Variants in UGT1A4 observed in about 807,000 individuals in gnomAD.
UGT1A4 encodes UDP glucuronosyltransferase family 1 member A4.
A neutral mutation model predicts 41.1 loss-of-function variants in UGT1A4; 32 were observed. The ratio of observed to expected loss-of-function variants is 0.78; its 90% confidence interval spans 0.59 to 1.05. The LOEUF is 1.05. Ranked by LOEUF, UGT1A4 falls within the 50% of genes least tolerant of loss-of-function variation. UGT1A4 has a pLI of 0.00. For missense variants in UGT1A4, 748 were observed against 677.4 expected (o/e 1.10, Z -1.16); for synonymous variants, 283 against 265.1 (o/e 1.07, Z -0.66).
chr2:233,763,186 T>C (rs1029740722), intron 1 of UGT1A4, among the ~76,000 whole-genome samples: 4 of 152,264 alleles, frequency 2.6e-5, no homozygotes, highest in Non-Finnish European at 4.4e-5. Flanking sequence ...TATTTGTTGT[T>C]GCCTTGTTTG....
In UGT1A4 at chr2:233,768,427, T is replaced by A; in HGVS notation, c.1295T>A (p.Ile432Asn). ...TTAGAAAATGCTCTAAAAGCAGTCA[T>A]CAATGACAAAAGGTAAGAAAGAAGA... is the stretch of plus-strand genomic sequence containing the variant. ...EDLENALKAV[I>N]NDKSYKENIM... Residue 432 changes from isoleucine (I) to asparagine (N), a missense_variant, in exon 4 of 5, where the codon ATC becomes AAC. Transcript: ENST00000373409. 1 of 1,614,006 alleles carries A rather than the reference T, an allele frequency of 6.2e-7. No individual in the cohort carries two copies. The highest frequency in any genetic ancestry group is 8.5e-7 in the Non-Finnish European group (1 of 1,179,966).
At chr2:233,731,273 A>G (rs1323685253) in intron 1 of UGT1A4, among the ~76,000 whole-genome samples, 1 of 147,192 alleles carries the variant, frequency 6.8e-6, no homozygotes. Flanking sequence ...TTGCCCTTCC[A>G]GTTTTTCTTT....
At position 233,725,179 on chromosome 2, in the gene UGT1A4, G is replaced by GAGAGGCAGAGGC. The variant is rs879478240; in HGVS notation, c.867+5522_867+5533dup. Among the ~76,000 whole-genome samples the GAGAGGCAGAGGC allele has an allele frequency of 1.3e-4, 9 of 67,606 alleles. 4 individuals carry two copies. Among genetic ancestry groups the GAGAGGCAGAGGC allele is most frequent in the South Asian group, 1.1e-3 (2 of 1,884 alleles). The allele number at this position is 67,606 out of a possible 152,430, so 44.4% of individuals were successfully genotyped here. A position where few individuals can be genotyped will look rare whatever the true frequency, so the allele number is the denominator to read the frequency against. ...CTCTGCATGAGAGGGAGACCGTGGGGAGAGGCAGAGGCAGAGGCAGAGGCA... is the reference window on the plus strand; with the variant it reads ...CTCTGCATGAGAGGGAGACCGTGGGGAGAGGCAGAGGCAGAGGCAGAGGCAGAGGCAGAGGCA... On this transcript the variant is annotated intron_variant, in intron 1 of 4. Transcript: ENST00000373409.
intron 1 of UGT1A4, chr2:233,755,156 G>A: frequency 7.7e-7 from 1 of 1,294,130 alleles, no homozygotes; most frequent in Middle Eastern, 2.2e-4. Context: ...CTTCCTCCCT[G>A]TCCTCGGGGT....
At position 233,769,644 on chromosome 2, in the gene UGT1A4, G is replaced by A; in HGVS notation, c.1307+1205G>A. ...CAAGGGACAACAGGGGAGGACTGAT[G>A]ACTGACTTCCCACCTTTGAGGTGCT... On this transcript the variant is annotated intron_variant, in intron 4 of 4. Transcript: ENST00000373409. This position sits in a 1 kb window ranked among gnomAD's most constrained non-coding sequence, Gnocchi z 4.4. The A allele has an allele frequency of 6.2e-7, 1 of 1,608,954 alleles. No individual in the cohort carries two copies. Among genetic ancestry groups the A allele is most frequent in the South Asian group, 1.1e-5 (1 of 90,446 alleles).
intron 4 of UGT1A4, chr2:233,770,249 C>T (rs1368624656): frequency 1.3e-5 from 2 of 152,160 alleles, no homozygotes; most frequent in Non-Finnish European, 2.9e-5. Flanking sequence ...TTCCAACACT[C>T]TGAGCTGGGG....
rs771753301 is a variant in UGT1A4, at chr2:233,719,188, C to T, written c.368C>T (p.Ala123Val). 1.4e-5 allele frequency: 23 copies of T among 1,614,004 alleles called. No homozygotes were observed. Among genetic ancestry groups the T allele is most frequent in the Admixed American group, 1.0e-4 (6 of 59,976 alleles). Reference protein sequence around the residue: ...SMAIMNNVSLALHRCCVELLH... With the variant: ...SMAIMNNVSLVLHRCCVELLH... Reference sequence around the variant, plus strand: ...GCAATTATGAACAATGTATCTTTGGCCCTTCATAGGTGTTGTGTGGAGCTA... The same window carrying T: ...GCAATTATGAACAATGTATCTTTGGTCCTTCATAGGTGTTGTGTGGAGCTA... Residue 123 changes from alanine (A) to valine (V), a missense_variant, in exon 1 of 5, where the codon GCC (alanine) becomes GTC (valine). Coordinates refer to ENST00000373409, the MANE Select transcript of UGT1A4 (RefSeq NM_007120.3).
rs148565852 is a variant in UGT1A4, at chr2:233,719,296, C to T, written c.476C>T (p.Ala159Val). 4.0e-5 allele frequency: 64 copies of T among 1,613,940 alleles called. 1 individual carries two copies. The Admixed American group carries it at 4.5e-4, about 11-fold the overall frequency. ...ACAGACCCCGTTAACCTCTGTGGGG[C>T]GGTGCTGGCTAAGTACCTGTCGATT... ...VLTDPVNLCGAVLAKYLSIPA... is the reference protein window; with the variant it reads ...VLTDPVNLCGVVLAKYLSIPA... The change falls in exon 1 of 5, where the codon GCG (alanine) becomes GTG (valine). Residue 159 changes from alanine (A) to valine (V), a missense_variant. Physicochemically the swap from Ala to Val is moderately conservative, Grantham distance 64. Coordinates refer to ENST00000373409, the MANE Select transcript of UGT1A4 (RefSeq NM_007120.3).
At chr2:233,761,227 G>GAT in intron 1 of UGT1A4, 1 of 1,613,278 alleles carries the variant, frequency 6.2e-7, no homozygotes, top group Non-Finnish European at 8.5e-7. Flanking sequence ...ACTAGCCCCA[G>GAT]ATATATGCTG....
intron 1 of UGT1A4, chr2:233,729,814 C>A (rs776482922): frequency 5.0e-6 from 8 of 1,613,896 alleles, no homozygotes; most frequent in Non-Finnish European, 6.8e-6. Flanking sequence ...TTTTTCTGCT[C>A]CTTATGCAAG....
intron 1 of UGT1A4, chr2:233,754,778 A>G (rs1399549713): frequency 3.5e-6 from 4 of 1,127,052 alleles, no homozygotes; most frequent in Non-Finnish European, 3.6e-6. Flanking sequence ...CCAGGGAGCC[A>G]AAGGAACGAA....
At chr2:233,760,122 C>A (rs535497865) in intron 1 of UGT1A4, 1 of 1,292,030 alleles carries the variant, frequency 7.7e-7, no homozygotes, top group East Asian at 2.5e-5. Flanking sequence ...TAATAAAGCT[C>A]CACCTTCTTT....
rs1700515616 is a variant in UGT1A4, at chr2:233,772,390, C to A, written c.1436C>A (p.Ala479Asp). 4 of 1,614,144 alleles carry A rather than the reference C, an allele frequency of 2.5e-6. No individual in the cohort carries two copies. The highest frequency in any genetic ancestry group is 3.4e-6 in the Non-Finnish European group (4 of 1,180,058). Residue 479 changes from alanine (A) to aspartate (D), a missense_variant, in exon 5 of 5, where the codon GCC (alanine) becomes GAC (aspartate). Transcript: ENST00000373409. ...GGCGCGCCACACCTGCGCCCCGCAGCCCACGACCTCACCTGGTACCAGTAC... is the reference window on the plus strand; with the variant it reads ...GGCGCGCCACACCTGCGCCCCGCAGACCACGACCTCACCTGGTACCAGTAC... ...HKGAPHLRPA[A>D]HDLTWYQYHS...
chr2:233,726,571 G>C (rs949058531), intron 1 of UGT1A4, among the ~76,000 whole-genome samples: 3 of 152,106 alleles, frequency 2.0e-5, no homozygotes, highest in African/African-American at 7.2e-5. Context: ...TCTTACGCCT[G>C]TCTCCTTCAC....
intron 1 of UGT1A4, among the ~76,000 whole-genome samples, chr2:233,727,898 G>T (rs1417233158): frequency 6.6e-6 from 1 of 152,198 alleles, no homozygotes; most frequent in Admixed American, 6.5e-5. Flanking sequence ...ACACGGCCAG[G>T]CAAGAAGACA....
intron 1 of UGT1A4, among the ~76,000 whole-genome samples, chr2:233,756,700 T>C (rs1696300397): frequency 6.6e-6 from 1 of 152,160 alleles, no homozygotes; most frequent in Non-Finnish European, 1.5e-5. Flanking sequence ...CGATGAATTT[T>C]GGGGGGACTT....
rs2077420155 is a variant in UGT1A4 at position 233,725,272 on chromosome 2, AGG to A, written c.867+5586_867+5587del. ...GAGGAGGCAGAGGCAGAGGAGGCAG[AGG>A]CAGAGGCAGAGGCAGAGGCAGAGGC... is the stretch of plus-strand genomic sequence containing the variant. On this transcript the variant is annotated intron_variant, in intron 1 of 4. Coordinates refer to ENST00000373409, the MANE Select transcript of UGT1A4 (RefSeq NM_007120.3). Among the ~76,000 whole-genome samples, 2 of 38,426 alleles carry A rather than the reference AGG, an allele frequency of 5.2e-5. 1 individual carries two copies. Among genetic ancestry groups the A allele is most frequent in the Admixed American group, 5.0e-4 (2 of 3,998 alleles). The allele number at this position is 38,426 out of a possible 152,430, so 25.2% of individuals were successfully genotyped here. A position where few individuals can be genotyped will look rare whatever the true frequency, so the allele number is the denominator to read the frequency against.
At chr2:233,720,668 A>G (rs1008664012) in intron 1 of UGT1A4, among the ~76,000 whole-genome samples, 1 of 151,708 alleles carries the variant, frequency 6.6e-6, no homozygotes, top group East Asian at 1.9e-4. Context: ...TCACACACCA[A>G]TGAATTTGGT....
chr2:233,762,970 T>A (rs916138811), intron 1 of UGT1A4, among the ~76,000 whole-genome samples: 1 of 152,240 alleles, frequency 6.6e-6, no homozygotes, highest in South Asian at 2.1e-4. Context: ...GATGCCCGTC[T>A]TGCTGCTATT....
Sources: gnomAD v4.1 joint callset for allele counts (sites outside exome capture counted in the v4.1 genomes callset) on GRCh38, gnomAD v4.1.1 for gene constraint, Gnocchi (gnomAD v3.1) non-coding constraint, MANE v1.5 for transcripts, NCBI Gene and HGNC (gene_info 2026-07-23, HGNC 2026-07-21) for gene names.